The following B4GALT6 variants were observed in gnomAD, a reference collection of about 807,000 sequenced individuals.
B4GALT6 encodes UDP-Gal:beta-GlcNAc beta-1,4-galactosyltransferase 6.
B4GALT6 carries 14 observed loss-of-function variants against 46.3 expected under a neutral mutation model. The ratio of observed to expected loss-of-function variants is 0.30; its 90% CI spans 0.20 to 0.47. B4GALT6 has a LOEUF of 0.47. B4GALT6 is among the 20% of genes least tolerant of loss of function. The probability of loss-of-function intolerance (pLI) is 0.99; values close to 1 mark genes in which losing one functional copy is unlikely to be tolerated. For synonymous variants in B4GALT6, 168 were observed against 162.0 expected (o/e 1.04, Z -0.28); for missense variants, 386 against 480.1 (o/e 0.80, Z 1.83).
At chr18:31,686,981 CATT>C (rs1270567450), upstream of B4GALT6, among the ~76,000 whole-genome samples, 1 of 152,200 alleles carries the variant, frequency 6.6e-6, no homozygotes, top group Non-Finnish European at 1.5e-5. Context: ...GAAGTAGTAA[CATT>C]ATAGAATTTG....
At chr18:31,654,642 A>T (rs745887385) in intron 3 of B4GALT6, among the ~76,000 whole-genome samples, 2 of 152,232 alleles carry the variant, frequency 1.3e-5, no homozygotes, top group Non-Finnish European at 2.9e-5. Context: ...TAAAAATCAA[A>T]GAAGTTTACA....
chr18:31,683,827 C>G (rs2074509465), intron 1 of B4GALT6, among the ~76,000 whole-genome samples: 1 of 151,998 alleles, frequency 6.6e-6, no homozygotes, highest in African/African-American at 2.4e-5. Flanking sequence ...GTCCACTGAC[C>G]CCATTCTAAA....
intron 1 of B4GALT6, among the ~76,000 whole-genome samples, chr18:31,676,124 A>G (rs966379955): frequency 6.6e-6 from 1 of 152,194 alleles, no homozygotes; most frequent in African/African-American, 2.4e-5. Context: ...TTCTCTTCCT[A>G]TGAGTCAAAC....
intron 6 of B4GALT6, among the ~76,000 whole-genome samples, chr18:31,628,145 G>T (rs2144487909): frequency 6.6e-6 from 1 of 152,306 alleles, no homozygotes; most frequent in Non-Finnish European, 1.5e-5. Flanking sequence ...GGAGAAAGCA[G>T]TCTTGCCCTC....
At chr18:31,671,520 T>G (rs185191621) in intron 1 of B4GALT6, among the ~76,000 whole-genome samples, 1 of 152,242 alleles carries the variant, frequency 6.6e-6, no homozygotes, top group Non-Finnish European at 1.5e-5. Flanking sequence ...TTTTTTCATA[T>G]GTCTGTTGGC....
the B4GALT6 span, among the ~76,000 whole-genome samples, chr18:31,700,468 T>TGTGTGTGTGTGTGAGA: frequency 3.4e-5 from 5 of 148,280 alleles, no homozygotes; most frequent in East Asian, 2.0e-4. Flanking sequence ...TGTGTGTGTG[T>TGTGTGTGTGTGTGAGA]GAGAGAGAGA....
At chr18:31,684,650 AG>A (rs1044350794), upstream of B4GALT6, 10 of 779,448 alleles carry the variant, frequency 1.3e-5, no homozygotes, top group African/African-American at 3.2e-4. Flanking sequence ...GCGGAGGCCG[AG>A]GGACAAGAGG....
chr18:31,653,325 C>G (rs1175425428), intron 3 of B4GALT6, among the ~76,000 whole-genome samples: 1 of 151,944 alleles, frequency 6.6e-6, no homozygotes, highest in African/African-American at 2.4e-5. Flanking sequence ...ATGCTGTTCT[C>G]TCTCAGCTAT....
chr18:31,648,037 G>A (rs1829842807), intron 3 of B4GALT6, among the ~76,000 whole-genome samples: 1 of 152,014 alleles, frequency 6.6e-6, no homozygotes, highest in African/African-American at 2.4e-5. Flanking sequence ...AGCTAGAGAG[G>A]GAATGTCCTT....
At chr18:31,648,079 G>A (rs188533539) in intron 3 of B4GALT6, among the ~76,000 whole-genome samples, 5 of 152,276 alleles carry the variant, frequency 3.3e-5, no homozygotes, top group Non-Finnish European at 5.9e-5. Flanking sequence ...AACTGGGCCA[G>A]TCCCCTTTAT....
At chr18:31,707,923 T>C in the B4GALT6 span, among the ~76,000 whole-genome samples, 2 of 152,218 alleles carry the variant, frequency 1.3e-5, 1 homozygote, top group South Asian at 4.1e-4. Flanking sequence ...TCATCTTAAA[T>C]CTATTATTCT....
chr18:31,724,361 A>T, the B4GALT6 span: 1 of 1,025,392 alleles, frequency 9.8e-7, no homozygotes, highest in Non-Finnish European at 1.3e-6. Context: ...TGGGTCCAGG[A>T]CCCGCTCCAG....
At chr18:31,686,353 ATTAATATTAAC>A (rs1339173070), upstream of B4GALT6, 1 of 152,222 alleles carries the variant, frequency 6.6e-6, no homozygotes, top group East Asian at 1.9e-4. Flanking sequence ...CAAGCCTTTC[ATTAATATTAAC>A]TGTGAGACCC....
intron 1 of B4GALT6, among the ~76,000 whole-genome samples, chr18:31,668,991 G>A (rs2074316587): frequency 6.6e-6 from 1 of 151,536 alleles, no homozygotes; most frequent in Non-Finnish European, 1.5e-5. Flanking sequence ...ACTCTAGCCT[G>A]GGTGACAGAG....
At chr18:31,672,719 C>A (rs1326068626) in intron 1 of B4GALT6, among the ~76,000 whole-genome samples, 1 of 152,110 alleles carries the variant, frequency 6.6e-6, no homozygotes, top group Non-Finnish European at 1.5e-5. Flanking sequence ...TATTATTATC[C>A]CCATTTTTCA....
rs1013676723 is a variant in B4GALT6 at position 31,646,977 on chromosome 18, A to C, written c.347-1498T>G. On this transcript the variant is annotated intron_variant, in intron 3 of 8. Coordinates refer to ENST00000306851, the MANE Select transcript of B4GALT6 (RefSeq NM_004775.5). ...ATACACAAACTAGCTAATCTTAGAA[A>C]GGTCAGATTCATCTAAAAGAAAGAG... is the stretch of plus-strand genomic sequence containing the variant. Among the ~76,000 whole-genome samples, 4 of 152,256 alleles carry C rather than the reference A, an allele frequency of 2.6e-5. 1 individual carries two copies. The highest frequency in any genetic ancestry group is 2.0e-4 in the Admixed American group (3 of 15,292).
chr18:31,633,302 A>T (rs1667275), intron 5 of B4GALT6, among the ~76,000 whole-genome samples: 88,260 of 151,858 alleles, frequency 0.58, 27,584 homozygotes, highest in African/African-American at 0.84. Context: ...CACCAGCGAT[A>T]AAGTTGCTCC....
rs558865679 is a variant in B4GALT6 at position 31,639,673 on chromosome 18, G to C, written c.472-913C>G. On this transcript the variant is annotated intron_variant, in intron 4 of 8. Transcript: ENST00000306851. Reference sequence around the variant, plus strand: ...CACAGACATTTGTCTTTATCAACCAGAGAAATTTGTTCTCATATAAAAAGT... The same window carrying C: ...CACAGACATTTGTCTTTATCAACCACAGAAATTTGTTCTCATATAAAAAGT... 3.9e-5 allele frequency among the ~76,000 whole-genome samples: 6 copies of C among 152,204 alleles called. No homozygotes were observed. The East Asian group carries it at 9.6e-4, about 24-fold the overall frequency.
At chr18:31,701,297 G>A in the B4GALT6 span, among the ~76,000 whole-genome samples, 1 of 152,058 alleles carries the variant, frequency 6.6e-6, no homozygotes, top group African/African-American at 2.4e-5. Flanking sequence ...CCTCTCTCTT[G>A]CTCCTGCTCT....
Sources: allele counts gnomAD v4.1 joint callset (sites outside exome capture counted in the v4.1 genomes callset), GRCh38; gene constraint gnomAD v4.1.1; transcripts MANE v1.5; gene names NCBI Gene and HGNC (gene_info 2026-07-23, HGNC 2026-07-21).